Variants in PRDM5 observed in about 807,000 individuals in gnomAD.
PRDM5 encodes PR/SET domain 5.
PRDM5 carries 56 observed loss-of-function variants against 81.2 expected under a neutral mutation model. That is an observed-to-expected ratio of 0.69 (90% CI 0.56 to 0.86). The LOEUF (loss-of-function observed/expected upper bound fraction) is 0.86. Ranked by LOEUF, PRDM5 falls within the 40% of genes least tolerant of loss-of-function variation. The pLI, the probability that PRDM5 is intolerant of heterozygous loss-of-function variation, is 0.00. For synonymous variants in PRDM5, 267 were observed against 256.4 expected (o/e 1.04, Z -0.39); for missense variants, 697 against 770.1 (o/e 0.91, Z 1.12).
chr4:120,728,689 G>T (rs116480346), intron 14 of PRDM5, among the ~76,000 whole-genome samples: 5,448 of 151,932 alleles, frequency 0.036, 124 homozygotes, highest in African/African-American at 0.061. Flanking sequence ...CCTTACATAC[G>T]TCGCCTAGTG....
chr4:120,741,654 GA>G (rs1741994345), intron 14 of PRDM5, among the ~76,000 whole-genome samples: 1 of 152,082 alleles, frequency 6.6e-6, no homozygotes, highest in Non-Finnish European at 1.5e-5. Flanking sequence ...CCTAATCAAA[GA>G]AAGGGGTGAC....
At chr4:120,917,880 G>A (rs1418723892) in intron 1 of PRDM5, among the ~76,000 whole-genome samples, 1 of 152,170 alleles carries the variant, frequency 6.6e-6, no homozygotes, top group Non-Finnish European at 1.5e-5. Context: ...AAGGAAAAGT[G>A]TATATGGAAT....
intron 14 of PRDM5, among the ~76,000 whole-genome samples, chr4:120,737,071 G>T (rs1741220344): frequency 6.6e-6 from 1 of 152,126 alleles, no homozygotes; most frequent in Admixed American, 6.5e-5. Flanking sequence ...GGCCTGAGGT[G>T]TCTGCCCACC....
intron 3 of PRDM5, among the ~76,000 whole-genome samples, chr4:120,829,906 A>G (rs1035979709): frequency 6.6e-6 from 1 of 152,074 alleles, no homozygotes; most frequent in African/African-American, 2.4e-5. Context: ...CAATAGAAAT[A>G]AAAGACAAGC....
chr4:120,766,487 T>C (rs559493085), intron 13 of PRDM5, among the ~76,000 whole-genome samples: 112 of 152,330 alleles, frequency 7.4e-4, no homozygotes, highest in African/African-American at 2.6e-3. Context: ...AAGTTCTCAG[T>C]TGACCATAGG....
At chr4:120,698,802 G>A (rs548885428) in intron 15 of PRDM5, among the ~76,000 whole-genome samples, 33 of 152,058 alleles carry the variant, frequency 2.2e-4, no homozygotes, top group Admixed American at 3.9e-4. Context: ...AAGTTCCACC[G>A]GTTCTTCTTT....
At chr4:120,845,485 C>G (rs559298800) in intron 3 of PRDM5, among the ~76,000 whole-genome samples, 4 of 152,168 alleles carry the variant, frequency 2.6e-5, no homozygotes, top group African/African-American at 9.7e-5. Context: ...AATAACCAAG[C>G]CTGGATGATG....
At chr4:120,881,390 A>C (rs1316797728) in intron 2 of PRDM5, among the ~76,000 whole-genome samples, 1 of 152,216 alleles carries the variant, frequency 6.6e-6, no homozygotes, top group Non-Finnish European at 1.5e-5. Flanking sequence ...GCAATAAGTA[A>C]AATCGCTGGC....
intron 2 of PRDM5, among the ~76,000 whole-genome samples, chr4:120,858,031 G>A (rs1348846274): frequency 6.6e-6 from 1 of 152,182 alleles, no homozygotes; most frequent in African/African-American, 2.4e-5. Flanking sequence ...TTAATGTATG[G>A]TAAAATGTAA....
Position 120,910,687 on chromosome 4 carries a change from T to G in PRDM5, c.94-3130A>C, listed in dbSNP as rs546318776. 1.2e-4 allele frequency among the ~76,000 whole-genome samples: 19 copies of G among 152,302 alleles called. 1 individual carries two copies. The South Asian group carries it at 3.9e-3, about 32-fold the overall frequency. On this transcript the variant is annotated intron_variant, in intron 1 of 15. Transcript: ENST00000264808. ...TTCTTTTAGTGGAATTATATGAAAT[T>G]GCCAATATTTGACCATTTTTGACCT... is the stretch of plus-strand genomic sequence containing the variant.
chr4:120,785,866 C>A (rs1307293976), intron 10 of PRDM5, among the ~76,000 whole-genome samples: 3 of 151,904 alleles, frequency 2.0e-5, no homozygotes, highest in Non-Finnish European at 2.9e-5. Flanking sequence ...AAACAAGAAA[C>A]AATGAAAAGC....
At chr4:120,863,829 G>A (rs1760906796) in intron 2 of PRDM5, among the ~76,000 whole-genome samples, 1 of 152,186 alleles carries the variant, frequency 6.6e-6, no homozygotes, top group African/African-American at 2.4e-5. Flanking sequence ...GAATGGTAAA[G>A]TAACTTAGTC....
At chr4:120,758,216 T>C (rs1280048914) in intron 13 of PRDM5, among the ~76,000 whole-genome samples, 2 of 152,124 alleles carry the variant, frequency 1.3e-5, no homozygotes, top group African/African-American at 2.4e-5. Context: ...GCTCCTCATA[T>C]ATAATATATC....
intron 1 of PRDM5, among the ~76,000 whole-genome samples, chr4:120,916,186 C>T (rs1399686825): frequency 6.6e-6 from 1 of 151,934 alleles, no homozygotes; most frequent in African/African-American, 2.4e-5. Context: ...GTCAGGAGTT[C>T]GAGATCAGCC....
intron 2 of PRDM5, among the ~76,000 whole-genome samples, chr4:120,861,967 C>T (rs938060936): frequency 6.6e-6 from 1 of 152,006 alleles, no homozygotes; most frequent in East Asian, 1.9e-4. Flanking sequence ...ATCCAAATTC[C>T]TCTCCTAACT....
At chr4:120,889,342 TTAA>T (rs1763800876) in intron 2 of PRDM5, among the ~76,000 whole-genome samples, 1 of 152,092 alleles carries the variant, frequency 6.6e-6, no homozygotes, top group Admixed American at 6.5e-5. Context: ...CACTATATCA[TTAA>T]TGTTATTTTT....
At chr4:120,697,357 C>G (rs1230307834) in intron 15 of PRDM5, among the ~76,000 whole-genome samples, 1 of 152,090 alleles carries the variant, frequency 6.6e-6, no homozygotes, top group Non-Finnish European at 1.5e-5. Context: ...ACTTGTATGA[C>G]TGTCTCCTAG....
chr4:120,922,136 G>T (rs1394073007), intron 1 of PRDM5, among the ~76,000 whole-genome samples: 1 of 152,224 alleles, frequency 6.6e-6, no homozygotes. Context: ...CCGCCCACGC[G>T]TGCCTTCGCC....
intron 2 of PRDM5, among the ~76,000 whole-genome samples, chr4:120,900,603 A>C (rs868442889): frequency 6.6e-6 from 1 of 152,232 alleles, no homozygotes. Flanking sequence ...GTTGGAAAAG[A>C]AGTTTCCAAA....
Sources: allele counts gnomAD v4.1 joint callset (sites outside exome capture counted in the v4.1 genomes callset), GRCh38; gene constraint gnomAD v4.1.1; transcripts MANE v1.5; gene names NCBI Gene and HGNC (gene_info 2026-07-23, HGNC 2026-07-21).